Variants in ERG observed in about 807,000 individuals in gnomAD.
ERG encodes transcriptional regulator ERG.
A neutral mutation model predicts 55.3 loss-of-function variants in ERG; 9 were observed. That is an observed-to-expected ratio of 0.16 (90% CI 0.10 to 0.28). The LOEUF (loss-of-function observed/expected upper bound fraction) is 0.28, where lower values mean the gene tolerates loss of function less well. ERG is among the 10% of genes least tolerant of loss of function. The probability of loss-of-function intolerance (pLI) is 1.00; values close to 1 mark genes in which losing one functional copy is unlikely to be tolerated. For missense variants in ERG, 434 were observed against 631.6 expected (o/e 0.69, Z 3.35); for synonymous variants, 223 against 237.3 (o/e 0.94, Z 0.55).
At chr21:38,400,482 C>T in intron 6 of ERG, 92 bp downstream of exon 6, 1 of 1,002,508 alleles carries the variant, frequency 1.0e-6, no homozygotes, top group Non-Finnish European at 1.6e-6. Flanking sequence ...CCGGGATCAG[C>T]TCTCTTTGTA....
intron 1 of ERG, among the ~76,000 whole-genome samples, chr21:38,583,613 C>T (rs9305655): frequency 0.99 from 151,087 of 152,312 alleles, 74,980 homozygotes; most frequent in Middle Eastern, 1. Context: ...AGTTCATGCA[C>T]TGGAGTACTA....
In ERG at chr21:38,633,491, C is replaced by T. The variant is rs148942211; in HGVS notation, c.-150+28167G>A. Among the ~76,000 whole-genome samples the T allele has an allele frequency of 2.1e-3, 320 of 152,302 alleles. 2 individuals are homozygous for T. The highest frequency in any genetic ancestry group is 6.9e-3 in the African/African-American group (285 of 41,562). The stretch of plus-strand genomic sequence containing the variant: ...GTAAAGCATACAACACTGGATGGCA[C>T]GAGCGAGCATTTCTCAAATGTCATC... On this transcript the variant is annotated intron_variant, in intron 1 of 10. Transcript: ENST00000398910.
chr21:38,623,100 C>T (rs577456192), intron 1 of ERG, among the ~76,000 whole-genome samples: 3 of 149,742 alleles, frequency 2.0e-5, no homozygotes, highest in Admixed American at 1.3e-4. Flanking sequence ...ATTATATATG[C>T]ACCATACACT....
chr21:38,604,229 G>A (rs11700441), intron 1 of ERG, among the ~76,000 whole-genome samples: 31,580 of 149,716 alleles, frequency 0.21, 3,845 homozygotes, highest in Non-Finnish European at 0.28. Flanking sequence ...ACTCCAGCCT[G>A]GGCGACAGAG....
chr21:38,380,420 T>G lies in ERG; in HGVS notation c.*2983A>C, dbSNP rs74504273. 74 of 1,063,288 alleles carry G rather than the reference T, an allele frequency of 7.0e-5. No individual in the cohort carries two copies. In the African/African-American group the frequency reaches 1.2e-3, roughly 17 times the overall value. The allele number at this position is 1,063,288 out of a possible 1,614,324, so 65.9% of individuals were successfully genotyped here. On this transcript the variant is annotated 3_prime_UTR_variant, in exon 10 of 10. Coordinates refer to ENST00000288319, the MANE Select transcript of ERG (RefSeq NM_182918.4). ...CATCAAACTAGGAACAAAAACACAG[T>G]CTTGACTGTGATTTGGTGATTTTAC...
At chr21:38,632,335 A>G (rs1463949749) in intron 1 of ERG, among the ~76,000 whole-genome samples, 2 of 152,182 alleles carry the variant, frequency 1.3e-5, no homozygotes, top group African/African-American at 4.8e-5. Flanking sequence ...CCTCACACCC[A>G]TTAGGATGAA....
intron 1 of ERG, among the ~76,000 whole-genome samples, chr21:38,590,361 G>A (rs917401111): frequency 1.3e-5 from 2 of 152,154 alleles, no homozygotes; most frequent in African/African-American, 4.8e-5. Context: ...AAATAGATGA[G>A]GAGAGGAAAG....
Position 38,380,506 on chromosome 21 carries a change from G to C in ERG, c.*2897C>G. The stretch of plus-strand genomic sequence containing the variant: ...AAAGAAGACAAATCTCTTGCCAGCA[G>C]GAGTAAGATTGTACAGGAGTCTGAG... On this transcript the variant is annotated 3_prime_UTR_variant, in exon 10 of 10. Coordinates refer to ENST00000288319, the MANE Select transcript of ERG (RefSeq NM_182918.4). 1 of 1,065,622 alleles carries C rather than the reference G, an allele frequency of 9.4e-7. No individual in the cohort carries two copies. The highest frequency in any genetic ancestry group is 1.1e-6 in the Non-Finnish European group (1 of 879,486). The allele number at this position is 1,065,622 out of a possible 1,614,324, so 66.0% of individuals were successfully genotyped here.
chr21:38,626,142 A>G (rs2212932), intron 1 of ERG, among the ~76,000 whole-genome samples: 31,379 of 151,928 alleles, frequency 0.21, 3,516 homozygotes, highest in East Asian at 0.29. Context: ...GGCTGGTCTC[A>G]AACTCCTGAC....
chr21:38,657,898 A>T (rs1456988800), intron 1 of ERG, among the ~76,000 whole-genome samples: 1 of 152,134 alleles, frequency 6.6e-6, no homozygotes, highest in Non-Finnish European at 1.5e-5. Context: ...TACCGCAGTG[A>T]TTTTCAGAGT....
At chr21:38,411,028 C>T (rs926985055) in intron 3 of ERG, among the ~76,000 whole-genome samples, 5 of 152,170 alleles carry the variant, frequency 3.3e-5, no homozygotes, top group Non-Finnish European at 5.9e-5. Context: ...AATCTGCTGT[C>T]CAAGACACTC....
intron 2 of ERG, among the ~76,000 whole-genome samples, chr21:38,517,731 G>T (rs902149779): frequency 6.6e-6 from 1 of 152,036 alleles, no homozygotes; most frequent in Non-Finnish European, 1.5e-5. Context: ...AGATGAAATG[G>T]TAAACAAAAT....
At chr21:38,514,691 C>T (rs2059538656) in intron 2 of ERG, among the ~76,000 whole-genome samples, 1 of 151,790 alleles carries the variant, frequency 6.6e-6, no homozygotes, top group African/African-American at 2.4e-5. Flanking sequence ...GGGGAAAAGA[C>T]AAAGAAGCCC....
intron 1 of ERG, among the ~76,000 whole-genome samples, chr21:38,629,213 TTC>T (rs1487645008): frequency 1.6e-4 from 25 of 152,282 alleles, no homozygotes; most frequent in South Asian, 6.2e-4. Flanking sequence ...CCATCCCTGG[TTC>T]TTTCTCCAGG....
intron 1 of ERG, among the ~76,000 whole-genome samples, chr21:38,484,471 G>C (rs2146657537): frequency 6.6e-6 from 1 of 152,260 alleles, no homozygotes; most frequent in East Asian, 1.9e-4. Context: ...CAAAGCATAA[G>C]AATGGGAGGA....
intron 2 of ERG, among the ~76,000 whole-genome samples, chr21:38,545,645 C>T (rs951013332): frequency 2.0e-5 from 3 of 152,202 alleles, no homozygotes; most frequent in South Asian, 2.1e-4. Flanking sequence ...TGAGTCAGTA[C>T]GGTGCTACAA....
At chr21:38,459,413 T>A (rs1381594505) in intron 1 of ERG, among the ~76,000 whole-genome samples, 1 of 152,240 alleles carries the variant, frequency 6.6e-6, no homozygotes, top group Non-Finnish European at 1.5e-5. Context: ...TGATTCCCTG[T>A]CTATATCCTC....
intron 1 of ERG, among the ~76,000 whole-genome samples, chr21:38,625,146 C>A (rs2060316730): frequency 6.6e-6 from 1 of 152,038 alleles, no homozygotes; most frequent in Non-Finnish European, 1.5e-5. Flanking sequence ...CTATCCAAAC[C>A]ATATGGCATA....
chr21:38,454,313 A>C (rs906670012), intron 1 of ERG, among the ~76,000 whole-genome samples: 1 of 152,168 alleles, frequency 6.6e-6, no homozygotes, highest in Non-Finnish European at 1.5e-5. Flanking sequence ...GGAAGATGTG[A>C]GTTTCAAGCT....
Sources: allele counts gnomAD v4.1 joint callset (sites outside exome capture counted in the v4.1 genomes callset), GRCh38; gene constraint gnomAD v4.1.1; transcripts MANE v1.5; gene names NCBI Gene and HGNC (gene_info 2026-07-23, HGNC 2026-07-21).